NTM: variants seen among roughly 807,000 people sequenced by gnomAD.
NTM encodes the protein neurotrimin, also known as IgLON family member 2.
Under a neutral mutation model 42.1 loss-of-function variants are expected in NTM, and 13 were observed. The ratio of observed to expected loss-of-function variants is 0.31; its 90% CI spans 0.20 to 0.49. The LOEUF is 0.49. Among genes scored for constraint, NTM ranks in the 20% least tolerant of loss-of-function variants. NTM has a pLI of 0.99. For synonymous variants in NTM, 187 were observed against 179.2 expected, an observed-to-expected ratio of 1.04 and a Z score of -0.35; for missense variants, 373 against 452.8, an observed-to-expected ratio of 0.82 and a Z score of 1.60.
chr11:132,277,832 A>G lies in NTM; in HGVS notation c.527-29857A>G, dbSNP rs554748201. ...ATTTCTATCATGCTAAAATATATATATATATTTAAAAATCCATCCTCTGTG... is the reference window on the plus strand; with the variant it reads ...ATTTCTATCATGCTAAAATATATATGTATATTTAAAAATCCATCCTCTGTG... On this transcript the variant is annotated intron_variant, in intron 4 of 8. Transcript: ENST00000683400. Among the ~76,000 whole-genome samples, 93 of 152,214 alleles carry G rather than the reference A, an allele frequency of 6.1e-4. 1 individual carries two copies. In the South Asian group the frequency reaches 0.015, roughly 25 times the overall value.
intron 2 of NTM, among the ~76,000 whole-genome samples, chr11:132,046,333 T>C (rs755429276): frequency 8.0e-6 from 1 of 125,544 alleles, no homozygotes; most frequent in Non-Finnish European, 1.6e-5. Context: ...TCAATAGATA[T>C]TTGTTAAATT....
At position 132,125,375 on chromosome 11, in the gene NTM, TGTG is replaced by T. The variant is rs2065531912; in HGVS notation, c.168-20900_168-20898del. On this transcript the variant is annotated intron_variant, in intron 2 of 8. Transcript: ENST00000683400. ...TGTAGTGTGTAGTGTATGATGTGTG[TGTG>T]GTGGTGTATGTGGTATGTGGTATGT... Among the ~76,000 whole-genome samples the T allele has an allele frequency of 1.7e-4, 25 of 149,746 alleles. No homozygotes were observed. The South Asian group carries it at 4.9e-3, about 29-fold the overall frequency.
chr11:132,267,709 T>C (rs1280273880), intron 4 of NTM, among the ~76,000 whole-genome samples: 3 of 151,374 alleles, frequency 2.0e-5, no homozygotes, highest in Non-Finnish European at 4.4e-5. Flanking sequence ...CCAGCTGAGG[T>C]GGGAGAATTG....
intron 1 of NTM, among the ~76,000 whole-genome samples, chr11:131,502,460 G>C (rs567395675): frequency 9.9e-5 from 15 of 152,184 alleles, no homozygotes; most frequent in Admixed American, 1.3e-4. Context: ...TGGAGATCTG[G>C]GAAAAAAGGG....
At chr11:132,074,430 A>G (rs977378944) in intron 2 of NTM, among the ~76,000 whole-genome samples, 2 of 152,156 alleles carry the variant, frequency 1.3e-5, no homozygotes, top group Non-Finnish European at 2.9e-5. Context: ...TTTAGAGAAG[A>G]TATTTCATAA....
intron 1 of NTM, among the ~76,000 whole-genome samples, chr11:131,789,182 G>C (rs1002995547): frequency 1.3e-5 from 2 of 151,686 alleles, no homozygotes; most frequent in African/African-American, 4.8e-5. Context: ...CTGTGTTGCC[G>C]ATGATTCTAT....
chr11:131,738,844 G>A (rs539904763), intron 1 of NTM, among the ~76,000 whole-genome samples: 11 of 152,304 alleles, frequency 7.2e-5, no homozygotes, highest in East Asian at 3.9e-4. Context: ...TGATTTGTAC[G>A]TGGAGAGAGG....
At chr11:132,321,971 C>T (rs1189091947) in intron 7 of NTM, among the ~76,000 whole-genome samples, 1 of 150,602 alleles carries the variant, frequency 6.6e-6, no homozygotes, top group Non-Finnish European at 1.5e-5. Flanking sequence ...TACAGACAAG[C>T]AAATGCTGAG....
chr11:132,223,576 A>G (rs2085590312), intron 4 of NTM, among the ~76,000 whole-genome samples: 1 of 151,944 alleles, frequency 6.6e-6, no homozygotes, highest in African/African-American at 2.4e-5. Context: ...TCTGCACTAG[A>G]CTCTAAGCTT....
In NTM at chr11:131,990,928, G is replaced by A. The variant is rs193063497; in HGVS notation, c.167+79280G>A. On this transcript the variant is annotated intron_variant, in intron 2 of 8. Coordinates refer to ENST00000683400, the MANE Select transcript of NTM (RefSeq NM_001352005.2). ...TTATAGTGAGCGGGCTCTGAACCGA[G>A]TTACCTGATAAATTACTTTCTGTAT... Among the ~76,000 whole-genome samples, 426 of 152,216 alleles carry A rather than the reference G, an allele frequency of 2.8e-3. 3 individuals are homozygous for A. The highest frequency in any genetic ancestry group is 8.0e-3 in the Admixed American group (122 of 15,286).
At chr11:132,150,754 G>A (rs2071717230) in intron 3 of NTM, among the ~76,000 whole-genome samples, 1 of 152,100 alleles carries the variant, frequency 6.6e-6, no homozygotes, top group Non-Finnish European at 1.5e-5. Flanking sequence ...TCGAGGGTTG[G>A]TTAAGTGTGA....
At chr11:131,583,270 G>T (rs2058575722) in intron 1 of NTM, among the ~76,000 whole-genome samples, 2 of 152,068 alleles carry the variant, frequency 1.3e-5, no homozygotes, top group South Asian at 4.2e-4. Flanking sequence ...TCATTTCAGA[G>T]AAATCCGTAG....
At chr11:131,819,210 C>G (rs1207244349) in intron 1 of NTM, among the ~76,000 whole-genome samples, 1 of 152,142 alleles carries the variant, frequency 6.6e-6, no homozygotes, top group East Asian at 1.9e-4. Flanking sequence ...AACTTCTCTA[C>G]TGGGGAGACC....
intron 2 of NTM, among the ~76,000 whole-genome samples, chr11:132,111,341 C>A (rs762622962): frequency 6.6e-6 from 1 of 151,730 alleles, no homozygotes; most frequent in Non-Finnish European, 1.5e-5. Context: ...ACTTTTTAAT[C>A]TCCTTTCTCT....
chr11:131,827,137 C>T (rs1204559538), intron 1 of NTM, among the ~76,000 whole-genome samples: 6 of 151,962 alleles, frequency 3.9e-5, no homozygotes. Context: ...CCTTCATTAC[C>T]CTAAAGTCTA....
chr11:131,618,443 A>C (rs1009617501), intron 1 of NTM, among the ~76,000 whole-genome samples: 2 of 152,216 alleles, frequency 1.3e-5, no homozygotes, highest in Non-Finnish European at 2.9e-5. Flanking sequence ...GTTAGTCAGC[A>C]AATGTGCCAA....
intron 3 of NTM, among the ~76,000 whole-genome samples, chr11:132,194,849 G>T (rs957118819): frequency 1.4e-5 from 2 of 140,400 alleles, no homozygotes; most frequent in African/African-American, 2.8e-5. Context: ...CTGAGACAGG[G>T]TCTCACTCTG....
intron 1 of NTM, among the ~76,000 whole-genome samples, chr11:131,626,329 T>C (rs1057263267): frequency 1.3e-4 from 20 of 152,210 alleles, no homozygotes; most frequent in Non-Finnish European, 2.9e-5. Context: ...ACGTATATGA[T>C]ATACGTAATT....
intron 3 of NTM, among the ~76,000 whole-genome samples, chr11:132,163,639 C>T (rs1018533602): frequency 6.6e-6 from 1 of 152,180 alleles, no homozygotes; most frequent in Non-Finnish European, 1.5e-5. Flanking sequence ...TCACAGCCTC[C>T]CTCAAACACT....
Sources: allele counts gnomAD v4.1 joint callset (sites outside exome capture counted in the v4.1 genomes callset), GRCh38; gene constraint gnomAD v4.1.1; transcripts MANE v1.5; gene names NCBI Gene and HGNC (gene_info 2026-07-23, HGNC 2026-07-21).